The following ADCY10 variants were observed in gnomAD, a reference collection of about 807,000 sequenced individuals.
The protein encoded by ADCY10 is adenylate cyclase 10.
Under a neutral mutation model 183.3 loss-of-function variants are expected in ADCY10, and 156 were observed. The observed-to-expected ratio is 0.85, with a 90% CI of 0.75 to 0.97. ADCY10 has a LOEUF of 0.97. ADCY10 is among the 50% of genes least tolerant of loss of function. The probability of loss-of-function intolerance (pLI) is 0.00; values close to 1 mark genes in which losing one functional copy is unlikely to be tolerated. For missense variants in ADCY10, 1,745 were observed against 1,934.3 expected, an observed-to-expected ratio of 0.90 and a Z score of 1.84; for synonymous variants, 645 against 670.0, an observed-to-expected ratio of 0.96 and a Z score of 0.58.
chr1:167,830,005 T>C (rs923753602), intron 25 of ADCY10, among the ~76,000 whole-genome samples: 7 of 152,216 alleles, frequency 4.6e-5, no homozygotes, highest in Non-Finnish European at 7.3e-5. Flanking sequence ...AAGGAAAAAA[T>C]TAAGCTGAAA....
intron 19 of ADCY10, 152 bp downstream of exon 19, chr1:167,848,209 T>C: frequency 1.7e-6 from 1 of 591,102 alleles, no homozygotes; most frequent in Non-Finnish European, 3.0e-6. Context: ...GGTGTGTGCC[T>C]GGCTAATTTT....
In ADCY10 at chr1:167,864,865, A is replaced by C. The variant is rs995345486; in HGVS notation, c.1617-3802T>G. On this transcript the variant is annotated intron_variant, in intron 14 of 32. Transcript: ENST00000367851. ...ACCCACGGATGGCCCAGATGCATTC[A>C]ATCTGTAGCAGCAGCTGCTTTGCTA... Among the ~76,000 whole-genome samples the C allele has an allele frequency of 4.6e-5, 7 of 150,876 alleles. No homozygotes were observed. In the East Asian group the frequency reaches 1.2e-3, roughly 25 times the overall value.
chr1:167,837,052 T>G (rs1664261754), intron 22 of ADCY10, 197 bp downstream of exon 22: 1 of 632,408 alleles, frequency 1.6e-6, no homozygotes, highest in African/African-American at 1.8e-5. Context: ...AAATAAAATA[T>G]CTTTAAAAAC....
chr1:167,861,993 T>A (rs1666321537), intron 14 of ADCY10, among the ~76,000 whole-genome samples: 1 of 152,222 alleles, frequency 6.6e-6, no homozygotes, highest in Admixed American at 6.5e-5. Flanking sequence ...ATTATAATTT[T>A]CCTGAGGCCT....
At chr1:167,855,953 T>C (rs1665857522) in intron 17 of ADCY10, among the ~76,000 whole-genome samples, 1 of 152,050 alleles carries the variant, frequency 6.6e-6, no homozygotes, top group Non-Finnish European at 1.5e-5. Context: ...CAGTGAGCCA[T>C]GATGGCACCA....
chr1:167,899,193 C>T (rs1054114556), intron 6 of ADCY10, among the ~76,000 whole-genome samples: 3 of 152,284 alleles, frequency 2.0e-5, no homozygotes, highest in Middle Eastern at 3.4e-3. Flanking sequence ...AATTCCATAT[C>T]CTCAGTTACC....
chr1:167,816,796 CAAGAAATGTTA>C (rs1443910925), intron 31 of ADCY10, among the ~76,000 whole-genome samples: 1 of 150,100 alleles, frequency 6.7e-6, no homozygotes, highest in Admixed American at 6.8e-5. Context: ...CTCTGACTTG[CAAGAAATGTTA>C]AAGAAATTCT....
At chr1:167,878,818 G>T (rs1181002459) in intron 11 of ADCY10, among the ~76,000 whole-genome samples, 183 bp from the exon 12 acceptor site, 1 of 152,198 alleles carries the variant, frequency 6.6e-6, no homozygotes, top group East Asian at 1.9e-4. Flanking sequence ...TGTGCAGGGA[G>T]TTAGTTAGCC....
intron 21 of ADCY10, among the ~76,000 whole-genome samples, chr1:167,844,051 G>A (rs1356435324): frequency 6.6e-6 from 1 of 152,166 alleles, no homozygotes; most frequent in East Asian, 1.9e-4. Context: ...GTATCTTGGT[G>A]CTCTGGCACA....
intron 21 of ADCY10, among the ~76,000 whole-genome samples, chr1:167,838,525 G>T (rs554977074): frequency 3.3e-5 from 5 of 152,146 alleles, no homozygotes; most frequent in Non-Finnish European, 7.3e-5. Flanking sequence ...TGTTATAAGG[G>T]AATTGGTTGC....
rs200336884 is a variant in ADCY10 at position 167,901,990 on chromosome 1, C to A, written c.292+26G>T. The A allele has an allele frequency of 1.1e-5, 18 of 1,613,590 alleles. No individual in the cohort carries two copies. The Admixed American group carries it at 3.0e-4, about 27-fold the overall frequency. On this transcript the variant is annotated intron_variant, in intron 4 of 32. Transcript: ENST00000367851. ...GGCACCTCAGCACTCCTTTCTTACC[C>A]CTTCTATCTTAGTAAGCCCCCATAC... is the stretch of plus-strand genomic sequence containing the variant.
intron 5 of ADCY10, among the ~76,000 whole-genome samples, chr1:167,900,421 T>C (rs147408429): frequency 1.3e-5 from 2 of 152,260 alleles, no homozygotes; most frequent in African/African-American, 2.4e-5. Flanking sequence ...GGGGGCTGGG[T>C]TCCCATCATT....
rs1407377211 is a variant in ADCY10, at chr1:167,854,446, C to G, written c.2215G>C (p.Glu739Gln). ...GSCGIPFYCE[E>Q]LLKNLEHHEV... ...TGATGTTCCAGGTTTTTAAGCAATT[C>G]TTCACAGTAAAATGGAATCCCACAG... The change falls in exon 18 of 33, where the codon GAA becomes CAA. Residue 739 changes from glutamate (E) to glutamine (Q), a missense_variant. Physicochemically the swap from Glu to Gln is conservative, Grantham distance 29. Coordinates refer to ENST00000367851, the MANE Select transcript of ADCY10 (RefSeq NM_018417.6). 3 of 1,614,076 alleles carry G rather than the reference C, an allele frequency of 1.9e-6. No homozygotes were observed. Among genetic ancestry groups the G allele is most frequent in the African/African-American group, 2.7e-5 (2 of 74,916 alleles).
chr1:167,831,147 AT>A (rs1054505607), intron 25 of ADCY10, among the ~76,000 whole-genome samples: 1 of 151,926 alleles, frequency 6.6e-6, no homozygotes, highest in African/African-American at 2.4e-5. Flanking sequence ...TGTGGAAATG[AT>A]TTTTTTTAAA....
intron 13 of ADCY10, among the ~76,000 whole-genome samples, chr1:167,871,188 A>G (rs1313362746): frequency 6.6e-6 from 1 of 152,128 alleles, no homozygotes; most frequent in Non-Finnish European, 1.5e-5. Flanking sequence ...TATGGATAAA[A>G]TATTTTTATT....
intron 5 of ADCY10, among the ~76,000 whole-genome samples, chr1:167,900,004 T>TA (rs1415290430): frequency 6.6e-6 from 1 of 152,196 alleles, no homozygotes; most frequent in East Asian, 1.9e-4. Context: ...AAGCTGTAAC[T>TA]AAAAATAATC....
At position 167,874,451 on chromosome 1, in the gene ADCY10, T is replaced by C. The variant is rs755040700; in HGVS notation, c.1462+680A>G. ...AGATACCACTATACACCCAACAGAATTATTGAAAGGATAAAGATTGATAAA... is the reference window on the plus strand; with the variant it reads ...AGATACCACTATACACCCAACAGAACTATTGAAAGGATAAAGATTGATAAA... On this transcript the variant is annotated intron_variant, in intron 13 of 32. Coordinates refer to ENST00000367851, the MANE Select transcript of ADCY10 (RefSeq NM_018417.6). Among the ~76,000 whole-genome samples, 88 of 152,098 alleles carry C rather than the reference T, an allele frequency of 5.8e-4. 1 individual carries two copies. Among genetic ancestry groups the C allele is most frequent in the Non-Finnish European group, 2.6e-4 (18 of 67,996 alleles).
rs531640013 is a variant in ADCY10, at chr1:167,848,230, T to C, written c.2437+131A>G. ...TGCCTGGCTAATTTTTTTGTATTTT[T>C]AGTAGATACGGGGTTTCACCATATT... On this transcript the variant is annotated intron_variant, in intron 19 of 32. Transcript: ENST00000367851. The C allele has an allele frequency of 6.5e-5, 44 of 674,236 alleles. No individual in the cohort carries two copies. The East Asian group carries it at 1.0e-3, about 16-fold the overall frequency. The allele number at this position is 674,236 out of a possible 1,614,324, so 41.8% of individuals were successfully genotyped here.
At chr1:167,887,657 G>A (rs1202775256) in intron 8 of ADCY10, among the ~76,000 whole-genome samples, 1 of 151,460 alleles carries the variant, frequency 6.6e-6, no homozygotes, top group East Asian at 1.9e-4. Flanking sequence ...TAACAAACCT[G>A]CACATTGTGC....
Sources: allele counts gnomAD v4.1 joint callset (sites outside exome capture counted in the v4.1 genomes callset), GRCh38; gene constraint gnomAD v4.1.1; transcripts MANE v1.5; gene names NCBI Gene and HGNC (gene_info 2026-07-23, HGNC 2026-07-21).